TIMM50: variants seen among roughly 807,000 people sequenced by gnomAD.
TIMM50 encodes mitochondrial import inner membrane translocase subunit TIM50.
A neutral mutation model predicts 49.6 loss-of-function variants in TIMM50; 34 were observed. The observed-to-expected ratio is 0.69, with a 90% CI of 0.52 to 0.91. TIMM50 has a LOEUF of 0.91. TIMM50 is among the 40% of genes least tolerant of loss of function. The pLI is 0.00. For missense variants in TIMM50, 458 were observed against 477.8 expected, an observed-to-expected ratio of 0.96 and a Z score of 0.39; for synonymous variants, 199 against 198.4, an observed-to-expected ratio of 1.00 and a Z score of -0.03.
intron 4 of TIMM50, chr19:39,485,303 G>A: frequency 1.8e-6 from 1 of 570,992 alleles, no homozygotes; most frequent in South Asian, 2.0e-5. Context: ...TAAGCATTCT[G>A]TTTCATACCT....
At chr19:39,482,178 C>T (rs971835609) in intron 2 of TIMM50, 145 bp downstream of exon 2, 26 of 1,020,918 alleles carry the variant, frequency 2.5e-5, no homozygotes, top group Non-Finnish European at 3.7e-5. Flanking sequence ...AGACACCTAC[C>T]TTGAAAACCA....
Position 39,489,862 on chromosome 19 carries a change from C to T in TIMM50, c.*42C>T. 1 of 1,551,456 alleles carries T rather than the reference C, an allele frequency of 6.4e-7. No homozygotes were observed. The highest frequency in any genetic ancestry group is 8.8e-7 in the Non-Finnish European group (1 of 1,139,440). On this transcript the variant is annotated 3_prime_UTR_variant, in exon 11 of 11. Transcript: ENST00000607714. ...AACTCAGTGCCTGGGTCCAGGGCCC[C>T]AGTGCTTCCAGACCAAGACTTGGGC...
At chr19:39,487,102 TA>T (rs1261907123) in intron 8 of TIMM50, among the ~76,000 whole-genome samples, 1 of 152,198 alleles carries the variant, frequency 6.6e-6, no homozygotes, top group African/African-American at 2.4e-5. Flanking sequence ...TGCACCTGTT[TA>T]CTTGAGTGAG....
rs368325472 is a variant in TIMM50, at chr19:39,493,253, CT to C, written c.*3443del. 36 of 147,876 alleles carry C rather than the reference CT, an allele frequency of 2.4e-4. No individual in the cohort carries two copies. The highest frequency in any genetic ancestry group is 6.9e-4 in the African/African-American group (28 of 40,436). The allele number at this position is 147,876 out of a possible 1,614,324, so 9.2% of individuals were successfully genotyped here. On this transcript the variant is annotated 3_prime_UTR_variant, in exon 11 of 11. Coordinates refer to ENST00000607714, the MANE Select transcript of TIMM50 (RefSeq NM_001001563.5). Reference sequence around the variant, plus strand: ...GCAGGACTGAGGGAGGGGACCTGTGCTTTTTTTTTTGTTTTTTTGAGATGGA... The same window carrying C: ...GCAGGACTGAGGGAGGGGACCTGTGCTTTTTTTTTGTTTTTTTGAGATGGA...
chr19:39,483,370 T>G, intron 4 of TIMM50: 7 of 567,760 alleles, frequency 1.2e-5, no homozygotes, highest in East Asian at 3.1e-5. Context: ...CAGAGACAGA[T>G]GGGGGATTGG....
intron 4 of TIMM50, chr19:39,483,523 CTA>C: frequency 4.3e-6 from 1 of 231,766 alleles, no homozygotes. Context: ...ATTTTCAAAA[CTA>C]TGCCGCCTTC....
Position 39,481,902 on chromosome 19 carries a change from G to C in TIMM50, c.128G>C (p.Arg43Pro), listed in dbSNP as rs781222986. The C allele has an allele frequency of 1.2e-6, 2 of 1,613,466 alleles. No individual in the cohort carries two copies. The highest frequency in any genetic ancestry group is 1.7e-6 in the Non-Finnish European group (2 of 1,179,868). ...CCGCAGGCCGCAGAGATCGGGAGCCGCGGGAGCACTAAGGCGCAAGGGCCA... is the reference window on the plus strand; with the variant it reads ...CCGCAGGCCGCAGAGATCGGGAGCCCCGGGAGCACTAAGGCGCAAGGGCCA... Reference protein sequence around the residue: ...APDQAAEIGSRGSTKAQGPQQ... With the variant: ...APDQAAEIGSPGSTKAQGPQQ... The change falls in exon 2 of 11, where the codon CGC becomes CCC. Residue 43 changes from arginine (R) to proline (P), a missense_variant. Transcript: ENST00000607714.
intron 6 of TIMM50, 92 bp downstream of exon 6, chr19:39,485,899 C>G (rs2079502419): frequency 6.5e-7 from 1 of 1,550,008 alleles, no homozygotes. Flanking sequence ...GCTATGTGAT[C>G]TTGGGGAGGA....
chr19:39,487,241 G>A lies in TIMM50; in HGVS notation c.696+746G>A, dbSNP rs115256516. Among the ~76,000 whole-genome samples the A allele has an allele frequency of 2.8e-3, 424 of 152,284 alleles. 2 individuals are homozygous for A. The highest frequency in any genetic ancestry group is 0.01 in the African/African-American group (418 of 41,548). ...CTAGGCCCTGGGTCTAGAAGTCTAT[G>A]TGATTAGCTCCCCAATATCCTGGGG... is the stretch of plus-strand genomic sequence containing the variant. On this transcript the variant is annotated intron_variant, in intron 8 of 10. Coordinates refer to ENST00000607714, the MANE Select transcript of TIMM50 (RefSeq NM_001001563.5).
At chr19:39,481,755 A>T (rs2079473346) in intron 1 of TIMM50, 128 bp from the exon 2 acceptor site, 2 of 1,203,488 alleles carry the variant, frequency 1.7e-6, no homozygotes, top group South Asian at 1.4e-5. Context: ...TACTCCAGGG[A>T]CACAGATGTC....
chr19:39,487,456 TA>T (rs2079514275), intron 8 of TIMM50, among the ~76,000 whole-genome samples: 1 of 151,576 alleles, frequency 6.6e-6, no homozygotes, highest in Non-Finnish European at 1.5e-5. Flanking sequence ...TTTTTATTTT[TA>T]TTTATTTATT....
chr19:39,482,943 G>A (rs1184025343), intron 3 of TIMM50, 27 bp downstream of exon 3: 1 of 1,614,182 alleles, frequency 6.2e-7, no homozygotes, highest in Non-Finnish European at 8.5e-7. Context: ...CCGAGGCCTT[G>A]CCAGGAGTCC....
At chr19:39,489,317 C>T (rs779188045) in intron 10 of TIMM50, among the ~76,000 whole-genome samples, 7 of 152,196 alleles carry the variant, frequency 4.6e-5, no homozygotes, top group South Asian at 2.1e-4. Context: ...CACCAGCATT[C>T]ACCTTGGGGT....
intron 8 of TIMM50, among the ~76,000 whole-genome samples, chr19:39,487,190 G>A (rs2079512796): frequency 6.6e-6 from 1 of 152,192 alleles, no homozygotes; most frequent in Non-Finnish European, 1.5e-5. Flanking sequence ...CCTCTCCAGG[G>A]AACTTCCTAA....
At chr19:39,482,976 C>G in intron 3 of TIMM50, 60 bp downstream of exon 3, 2 of 1,613,000 alleles carry the variant, frequency 1.2e-6, no homozygotes, top group Non-Finnish European at 1.7e-6. Context: ...GAGAGGGGTC[C>G]CCTTTGGTCT....
In TIMM50 at chr19:39,492,878, A is replaced by AAAAAAAAAAC. The variant is rs2079555526; in HGVS notation, c.*3067_*3068insCAAAAAAAAA. 1.4e-5 allele frequency: 2 copies of AAAAAAAAAAC among 146,746 alleles called. No homozygotes were observed. The highest frequency in any genetic ancestry group is 2.1e-4 in the South Asian group (1 of 4,694). 9.1% of individuals were successfully genotyped at this position (146,746 alleles called of 1,614,324 possible). A position where few individuals can be genotyped will look rare whatever the true frequency, so the allele number is the denominator to read the frequency against. On this transcript the variant is annotated 3_prime_UTR_variant, in exon 11 of 11. Coordinates refer to ENST00000607714, the MANE Select transcript of TIMM50 (RefSeq NM_001001563.5). ...AGAGTAAGGCTCTGTCTCCAAAAAA[A>AAAAAAAAAAC]AAAAAAAAAAAAAACAAAAAAAAAA...
At chr19:39,485,863 T>A in intron 6 of TIMM50, 56 bp downstream of exon 6, 1 of 1,605,962 alleles carries the variant, frequency 6.2e-7, no homozygotes, top group South Asian at 1.1e-5. Flanking sequence ...GGGGTTGTGA[T>A]GAGGTGGACT....
At chr19:39,485,994 C>A in intron 6 of TIMM50, 187 bp downstream of exon 6, 1 of 1,121,752 alleles carries the variant, frequency 8.9e-7, no homozygotes, top group Admixed American at 2.0e-5. Context: ...TGTAGGTGTG[C>A]CCAGGCACGC....
intron 4 of TIMM50, among the ~76,000 whole-genome samples, chr19:39,484,813 A>G (rs1473350598): frequency 1.3e-5 from 2 of 152,092 alleles, no homozygotes; most frequent in African/African-American, 4.8e-5. Flanking sequence ...TGTAATCCCA[A>G]CACTTTGGGA....
Sources: allele counts gnomAD v4.1 joint callset (sites outside exome capture counted in the v4.1 genomes callset), GRCh38; gene constraint gnomAD v4.1.1; transcripts MANE v1.5; gene names NCBI Gene and HGNC (gene_info 2026-07-23, HGNC 2026-07-21).